The following GRIK1 variants were observed in gnomAD, a reference collection of about 807,000 sequenced individuals.
The protein encoded by GRIK1 is glutamate ionotropic receptor kainate type subunit 1, also known as glutamate receptor ionotropic, kainate 1.
A neutral mutation model predicts 105.7 loss-of-function variants in GRIK1; 69 were observed. The observed-to-expected ratio is 0.65, with a 90% confidence interval of 0.54 to 0.80. The LOEUF is 0.80. Among genes scored for constraint, GRIK1 ranks in the 30% least tolerant of loss-of-function variants. The pLI is 0.00. For synonymous variants in GRIK1, 438 were observed against 431.3 expected (o/e 1.02, Z -0.19); for missense variants, 1,109 against 1,167.3 (o/e 0.95, Z 0.73).
At chr21:29,625,789 T>G (rs1203242692) in intron 7 of GRIK1, among the ~76,000 whole-genome samples, 2 of 152,224 alleles carry the variant, frequency 1.3e-5, no homozygotes, top group Non-Finnish European at 1.5e-5. Flanking sequence ...ACATAGTATA[T>G]CTTGCTCAAT....
intron 4 of GRIK1, among the ~76,000 whole-genome samples, chr21:29,656,466 G>A (rs966486864): frequency 1.4e-5 from 2 of 143,830 alleles, no homozygotes; most frequent in Non-Finnish European, 3.0e-5. Context: ...CTGGATGCAA[G>A]TAAAAATTCC....
intron 1 of GRIK1, among the ~76,000 whole-genome samples, chr21:29,715,880 T>G (rs2064165228): frequency 6.6e-6 from 1 of 152,042 alleles, no homozygotes. Flanking sequence ...ATACATTACT[T>G]TACAAGATAG....
intron 1 of GRIK1, among the ~76,000 whole-genome samples, chr21:29,697,171 T>C (rs537506693): frequency 2.0e-5 from 3 of 152,374 alleles, no homozygotes; most frequent in East Asian, 1.9e-4. Flanking sequence ...TGTGAGCTAA[T>C]AGTGTTGTCT....
intron 4 of GRIK1, among the ~76,000 whole-genome samples, chr21:29,655,496 T>A (rs2062831733): frequency 6.6e-6 from 1 of 152,240 alleles, no homozygotes; most frequent in African/African-American, 2.4e-5. Context: ...ACTGCCTAAG[T>A]GTCTGAGCCA....
intron 16 of GRIK1, among the ~76,000 whole-genome samples, chr21:29,539,981 C>G (rs374955485): frequency 6.6e-6 from 1 of 152,054 alleles, no homozygotes; most frequent in African/African-American, 2.4e-5. Flanking sequence ...TCCCAAAAAC[C>G]ATTATGTTAA....
At chr21:29,830,328 C>CACACACAA (rs2067594054) in intron 1 of GRIK1, among the ~76,000 whole-genome samples, 1 of 129,568 alleles carries the variant, frequency 7.7e-6, no homozygotes, top group Non-Finnish European at 1.7e-5. Flanking sequence ...CACACACACA[C>CACACACAA]ACACACACAC....
At chr21:29,771,292 T>C (rs1383691926) in intron 1 of GRIK1, among the ~76,000 whole-genome samples, 1 of 152,220 alleles carries the variant, frequency 6.6e-6, no homozygotes, top group Non-Finnish European at 1.5e-5. Flanking sequence ...GAGAACTTTA[T>C]ACATATATTT....
chr21:29,697,247 C>G (rs764289990), intron 1 of GRIK1, among the ~76,000 whole-genome samples: 1 of 152,112 alleles, frequency 6.6e-6, no homozygotes, highest in East Asian at 1.9e-4. Context: ...CCTGAAAACT[C>G]AAAAATTCCC....
chr21:29,842,787 G>T (rs2068016513), intron 1 of GRIK1, among the ~76,000 whole-genome samples: 1 of 152,132 alleles, frequency 6.6e-6, no homozygotes, highest in Non-Finnish European at 1.5e-5. Context: ...ATCTTAATAT[G>T]TTGGCATTCA....
At chr21:29,621,751 G>C (rs2062008519) in intron 7 of GRIK1, among the ~76,000 whole-genome samples, 1 of 152,118 alleles carries the variant, frequency 6.6e-6, no homozygotes. Context: ...GTATCAGTCA[G>C]GGTGTACTAA....
chr21:29,702,269 CTG>C (rs2063826514), intron 1 of GRIK1, among the ~76,000 whole-genome samples: 1 of 152,138 alleles, frequency 6.6e-6, no homozygotes, highest in Admixed American at 6.5e-5. Flanking sequence ...ATGTACAAAA[CTG>C]TGCATGTACC....
intron 16 of GRIK1, among the ~76,000 whole-genome samples, chr21:29,554,092 T>C (rs1601092785): frequency 6.6e-6 from 1 of 152,324 alleles, no homozygotes; most frequent in East Asian, 1.9e-4. Context: ...AGTGGATCTA[T>C]TATCAGATTA....
intron 1 of GRIK1, among the ~76,000 whole-genome samples, chr21:29,821,115 A>G (rs2067293561): frequency 6.6e-6 from 1 of 152,010 alleles, no homozygotes; most frequent in African/African-American, 2.4e-5. Context: ...AACTCCTAAC[A>G]GCCTACTGTT....
At chr21:29,651,849 G>A (rs2062745673) in intron 5 of GRIK1, among the ~76,000 whole-genome samples, 2 of 150,950 alleles carry the variant, frequency 1.3e-5, no homozygotes, top group Admixed American at 6.7e-5. Flanking sequence ...ATTGGATAAA[G>A]GGGAGCTGCT....
At chr21:29,779,861 T>C (rs2066044673) in intron 1 of GRIK1, among the ~76,000 whole-genome samples, 1 of 152,148 alleles carries the variant, frequency 6.6e-6, no homozygotes, top group Non-Finnish European at 1.5e-5. Flanking sequence ...GATAGTGAGA[T>C]TGGTGAAGGC....
intron 1 of GRIK1, among the ~76,000 whole-genome samples, chr21:29,791,997 G>A (rs142818908): frequency 2.0e-3 from 310 of 152,146 alleles, no homozygotes; most frequent in Non-Finnish European, 3.0e-3. Flanking sequence ...ATTTTTGTAC[G>A]TTAGAATTTT....
At chr21:29,921,956 G>C (rs1314883445) in intron 1 of GRIK1, among the ~76,000 whole-genome samples, 4 of 152,124 alleles carry the variant, frequency 2.6e-5, no homozygotes, top group Non-Finnish European at 4.4e-5. Context: ...CTTTGCTTTT[G>C]ATAGCATCCT....
intron 4 of GRIK1, among the ~76,000 whole-genome samples, chr21:29,658,641 C>T (rs1304184740): frequency 6.6e-6 from 1 of 152,206 alleles, no homozygotes; most frequent in Non-Finnish European, 1.5e-5. Context: ...CAGTTAAAAA[C>T]AACCCAGCCC....
At chr21:29,904,670 T>C (rs2070540291) in intron 1 of GRIK1, among the ~76,000 whole-genome samples, 1 of 152,144 alleles carries the variant, frequency 6.6e-6, no homozygotes, top group Admixed American at 6.5e-5. Context: ...AACATGTACT[T>C]GTGCAGGGAC....
Sources: gnomAD v4.1 joint callset for allele counts (sites outside exome capture counted in the v4.1 genomes callset) on GRCh38, gnomAD v4.1.1 for gene constraint, MANE v1.5 for transcripts, NCBI Gene and HGNC (gene_info 2026-07-23, HGNC 2026-07-21) for gene names.